CDYL: variants seen among roughly 807,000 people sequenced by gnomAD.
CDYL encodes chromodomain Y like, also known as chromodomain Y-like protein.
A neutral mutation model predicts 47.3 loss-of-function variants in CDYL; 8 were observed. The observed-to-expected ratio is 0.17, with a 90% CI of 0.10 to 0.31. The LOEUF (loss-of-function observed/expected upper bound fraction) is 0.31. CDYL is among the 10% of genes least tolerant of loss of function. CDYL has a pLI of 1.00. For missense variants in CDYL, 471 were observed against 701.4 expected, an observed-to-expected ratio of 0.67 and a Z score of 3.71; for synonymous variants, 266 against 265.0, an observed-to-expected ratio of 1.00 and a Z score of -0.04.
At chr6:4,921,575 G>A (rs552829418) in intron 2 of CDYL, among the ~76,000 whole-genome samples, 51 of 152,084 alleles carry the variant, frequency 3.4e-4, no homozygotes, top group Admixed American at 9.2e-4. Flanking sequence ...GTTATTCCTC[G>A]TAGGTGGGTG....
intron 1 of CDYL, among the ~76,000 whole-genome samples, chr6:4,876,778 G>T (rs1200665925): frequency 6.6e-6 from 1 of 152,160 alleles, no homozygotes; most frequent in African/African-American, 2.4e-5. Context: ...AATATATTTT[G>T]CATGTGGGAA....
chr6:4,900,774 C>CGTGTGTGTGTGT lies in CDYL; in HGVS notation c.691+8401_691+8402insGTGTGTGTGTGT, dbSNP rs368919776. ...TTCATTCTTCTGTTAATTCCGTATA[C>CGTGTGTGTGTGT]GTGTGTATATATATATATATATATA... On this transcript the variant is annotated intron_variant, in intron 2 of 6. Transcript: ENST00000397588. 3.0e-3 allele frequency among the ~76,000 whole-genome samples: 81 copies of CGTGTGTGTGTGT among 26,938 alleles called. 5 individuals carry two copies. Among genetic ancestry groups the CGTGTGTGTGTGT allele is most frequent in the African/African-American group, 0.011 (75 of 6,880 alleles). 17.7% of individuals were successfully genotyped at this position (26,938 alleles called of 152,430 possible).
At chr6:4,755,290 T>G (rs1490974281) in intron 3 of CDYL, among the ~76,000 whole-genome samples, 2 of 151,896 alleles carry the variant, frequency 1.3e-5, no homozygotes, top group African/African-American at 4.8e-5. Flanking sequence ...AGGCTGGTCT[T>G]GAACTCCTGA....
intron 1 of CDYL, among the ~76,000 whole-genome samples, chr6:4,819,166 G>C (rs199664702): frequency 0.059 from 5,282 of 89,848 alleles, 93 homozygotes; most frequent in East Asian, 0.066. Flanking sequence ...CTCTCTCTGT[G>C]TGTGTGTGTG....
intron 1 of CDYL, among the ~76,000 whole-genome samples, chr6:4,709,649 G>A (rs1757114167): frequency 6.6e-6 from 1 of 152,142 alleles, no homozygotes; most frequent in Non-Finnish European, 1.5e-5. Context: ...CCTCAAGAGG[G>A]AACCTCTGTC....
At chr6:4,867,160 A>G (rs953989343) in intron 1 of CDYL, among the ~76,000 whole-genome samples, 1 of 151,842 alleles carries the variant, frequency 6.6e-6, no homozygotes, top group Non-Finnish European at 1.5e-5. Context: ...CCTCCTTTTC[A>G]TTTCTAATGT....
At chr6:4,924,552 G>A (rs1228357707) in intron 2 of CDYL, among the ~76,000 whole-genome samples, 1 of 152,136 alleles carries the variant, frequency 6.6e-6, no homozygotes. Context: ...TGTGGTCTTT[G>A]GTAGTAAGCA....
chr6:4,761,709 C>T (rs1290374867), intron 3 of CDYL, among the ~76,000 whole-genome samples: 4 of 152,214 alleles, frequency 2.6e-5, no homozygotes, highest in Non-Finnish European at 5.9e-5. Context: ...AGACCACCTA[C>T]TCTAATTAGC....
intron 1 of CDYL, among the ~76,000 whole-genome samples, chr6:4,834,636 G>A (rs1340008868): frequency 2.0e-5 from 3 of 151,722 alleles, no homozygotes; most frequent in Non-Finnish European, 4.4e-5. Flanking sequence ...GCTAGATTGG[G>A]GAAGTTCTCC....
At chr6:4,783,253 T>G (rs1345548768) in intron 1 of CDYL, among the ~76,000 whole-genome samples, 2 of 151,674 alleles carry the variant, frequency 1.3e-5, no homozygotes, top group Admixed American at 6.6e-5. Context: ...TTTCTAGGTT[T>G]TTTTTTTTTA....
At chr6:4,924,762 T>C (rs1334299635) in intron 2 of CDYL, among the ~76,000 whole-genome samples, 1 of 152,194 alleles carries the variant, frequency 6.6e-6, no homozygotes. Context: ...TCTGCTATAA[T>C]GTGATATATG....
intron 1 of CDYL, among the ~76,000 whole-genome samples, chr6:4,783,277 G>T: frequency 6.8e-6 from 1 of 147,830 alleles, no homozygotes; most frequent in African/African-American, 2.5e-5. Context: ...ATTATTATCT[G>T]GACATGTCTT....
chr6:4,819,448 A>G (rs1163250650), intron 1 of CDYL, among the ~76,000 whole-genome samples: 2 of 152,114 alleles, frequency 1.3e-5, no homozygotes, highest in Admixed American at 1.3e-4. Context: ...TCTACCAGAT[A>G]GTGGTGGCTT....
chr6:4,731,735 G>T (rs1194121370), intron 2 of CDYL, among the ~76,000 whole-genome samples: 1 of 151,870 alleles, frequency 6.6e-6, no homozygotes, highest in Non-Finnish European at 1.5e-5. Context: ...AGAGGCAGAG[G>T]TTGCAGTGAG....
In CDYL at chr6:4,851,613, G is replaced by A. The variant is rs899127277; in HGVS notation, c.25-40100G>A. On this transcript the variant is annotated intron_variant, in intron 1 of 6. Transcript: ENST00000397588. ...TGTGAGGGGATTTTCAGGTGGGCAC[G>A]AGGACCTGGCTGGAAAGGAACCACC... Among the ~76,000 whole-genome samples the A allele has an allele frequency of 5.9e-5, 9 of 152,190 alleles. No homozygotes were observed. In the South Asian group the frequency reaches 8.3e-4, roughly 14 times the overall value.
At chr6:4,900,828 T>TATATA (rs1757025805) in intron 2 of CDYL, among the ~76,000 whole-genome samples, 3 of 99,372 alleles carry the variant, frequency 3.0e-5, no homozygotes, top group Non-Finnish European at 4.3e-5. Flanking sequence ...TATATATATA[T>TATATA]ATCTTGCCTG....
At chr6:4,825,496 T>C (rs905108430) in intron 1 of CDYL, among the ~76,000 whole-genome samples, 6 of 152,306 alleles carry the variant, frequency 3.9e-5, no homozygotes, top group African/African-American at 4.8e-5. Context: ...AATGTCCTTA[T>C]CATGTTGAGG....
At chr6:4,874,333 A>G (rs188040046) in intron 1 of CDYL, among the ~76,000 whole-genome samples, 1 of 152,142 alleles carries the variant, frequency 6.6e-6, no homozygotes, top group Non-Finnish European at 1.5e-5. Flanking sequence ...TCTTTTTTAT[A>G]TGTACATGTG....
chr6:4,887,252 A>T (rs1245950075), intron 1 of CDYL, among the ~76,000 whole-genome samples: 2 of 152,250 alleles, frequency 1.3e-5, no homozygotes, highest in African/African-American at 2.4e-5. Flanking sequence ...TTTAATGTTA[A>T]TAAGAGTTAC....
Sources: gnomAD v4.1 joint callset for allele counts (sites outside exome capture counted in the v4.1 genomes callset) on GRCh38, gnomAD v4.1.1 for gene constraint, MANE v1.5 for transcripts, NCBI Gene and HGNC (gene_info 2026-07-23, HGNC 2026-07-21) for gene names.